BTG4: variants seen among roughly 807,000 people sequenced by gnomAD.
BTG4 encodes protein BTG4.
A neutral mutation model predicts 19.3 loss-of-function variants in BTG4; 10 were observed. The observed-to-expected ratio is 0.52, with a 90% CI of 0.32 to 0.88. The LOEUF (loss-of-function observed/expected upper bound fraction) is 0.88. Among genes scored for constraint, BTG4 ranks in the 40% least tolerant of loss-of-function variants. The pLI is 0.04. For missense variants in BTG4, 238 were observed against 281.9 expected (o/e 0.84, Z 1.11); for synonymous variants, 91 against 95.7 (o/e 0.95, Z 0.29).
chr11:111,501,368 T>G (rs544723602), intron 1 of BTG4, among the ~76,000 whole-genome samples: 1 of 151,832 alleles, frequency 6.6e-6, no homozygotes, highest in South Asian at 2.1e-4. Flanking sequence ...AAAGACCCTC[T>G]CTCAAAAAAA....
chr11:111,405,936 A>T, the BTG4 span, among the ~76,000 whole-genome samples: 1 of 152,250 alleles, frequency 6.6e-6, no homozygotes, highest in Non-Finnish European at 1.5e-5. Context: ...TATAGAGATT[A>T]GATATTATTA....
At chr11:111,404,775 T>C in the BTG4 span, 1 of 416,220 alleles carries the variant, frequency 2.4e-6, no homozygotes, top group Admixed American at 2.7e-5. Context: ...ACTTGGAGCT[T>C]TGATATAAAG....
At chr11:111,458,509 C>G in the BTG4 span, among the ~76,000 whole-genome samples, 3 of 152,282 alleles carry the variant, frequency 2.0e-5, no homozygotes, top group Non-Finnish European at 2.9e-5. Context: ...ACACCACCAA[C>G]AGGTGCTATG....
At chr11:111,514,690 A>C (rs1404050411), upstream of BTG4, 2 of 901,146 alleles carry the variant, frequency 2.2e-6, no homozygotes, top group Non-Finnish European at 3.2e-6. Flanking sequence ...GGCAGCCGGC[A>C]GGGGCTGGTA....
the BTG4 span, chr11:111,455,490 CA>C: frequency 4.3e-6 from 1 of 234,806 alleles, no homozygotes; most frequent in Admixed American, 4.6e-5. Context: ...GCTCCTTCGC[CA>C]AAACCTCCTC....
the BTG4 span, among the ~76,000 whole-genome samples, chr11:111,403,622 GC>G: frequency 5.3e-5 from 8 of 152,254 alleles, 1 homozygote; most frequent in Admixed American, 2.0e-4. Context: ...TCACTCCCTT[GC>G]CCCCTGCAAA....
intron 1 of BTG4, among the ~76,000 whole-genome samples, chr11:111,509,244 T>C (rs1866678606): frequency 6.6e-6 from 1 of 152,226 alleles, no homozygotes; most frequent in Non-Finnish European, 1.5e-5. Context: ...TTTTTAGTTC[T>C]TCAAAGGCAC....
At chr11:111,452,799 T>C in the BTG4 span, among the ~76,000 whole-genome samples, 1 of 151,904 alleles carries the variant, frequency 6.6e-6, no homozygotes, top group Non-Finnish European at 1.5e-5. Context: ...AAGGCAGGAG[T>C]TGACTGTTCT....
the BTG4 span, among the ~76,000 whole-genome samples, chr11:111,422,285 C>T: frequency 1.3e-5 from 2 of 152,194 alleles, no homozygotes; most frequent in Non-Finnish European, 2.9e-5. Flanking sequence ...AAAAATTGAT[C>T]ATAGAGGTCC....
the BTG4 span, among the ~76,000 whole-genome samples, chr11:111,441,797 G>A: frequency 2.2e-4 from 34 of 152,310 alleles, no homozygotes; most frequent in Non-Finnish European, 7.4e-5. Context: ...GGTGGCTCAC[G>A]CCTGTAATCC....
chr11:111,403,660 T>C, the BTG4 span, among the ~76,000 whole-genome samples: 1 of 152,182 alleles, frequency 6.6e-6, no homozygotes, highest in Admixed American at 6.5e-5. Flanking sequence ...CCTGAGTGGG[T>C]GACAAATTAA....
chr11:111,432,153 G>A, the BTG4 span, among the ~76,000 whole-genome samples: 5 of 152,152 alleles, frequency 3.3e-5, no homozygotes, highest in African/African-American at 1.2e-4. Flanking sequence ...AGAGAGAAAG[G>A]AGAAAGCACA....
the BTG4 span, among the ~76,000 whole-genome samples, chr11:111,411,636 A>T: frequency 0.04 from 6,083 of 152,334 alleles, 134 homozygotes; most frequent in Middle Eastern, 0.14. Flanking sequence ...TTACCTGCAG[A>T]TTCTGACTGT....
At chr11:111,395,484 G>T in the BTG4 span, among the ~76,000 whole-genome samples, 3 of 152,240 alleles carry the variant, frequency 2.0e-5, no homozygotes, top group Non-Finnish European at 1.5e-5. Context: ...TCACCCCTGT[G>T]GGTGTCCGAG....
intron 1 of BTG4, among the ~76,000 whole-genome samples, chr11:111,505,447 A>G (rs1218008830): frequency 6.6e-6 from 1 of 152,052 alleles, no homozygotes; most frequent in East Asian, 1.9e-4. Context: ...CTAATTCCCC[A>G]TCTCTTAACA....
chr11:111,509,566 G>T (rs942564465), intron 1 of BTG4, among the ~76,000 whole-genome samples: 5 of 151,742 alleles, frequency 3.3e-5, no homozygotes, highest in African/African-American at 1.2e-4. Context: ...CATGGTGGTG[G>T]GCGCCTGTAA....
At chr11:111,425,288 G>A in the BTG4 span, among the ~76,000 whole-genome samples, 25 of 152,152 alleles carry the variant, frequency 1.6e-4, no homozygotes, top group African/African-American at 6.0e-4. Flanking sequence ...CCTGCTGCAT[G>A]CCAGGCACTC....
chr11:111,404,600 AC>A, the BTG4 span: 47 of 456,032 alleles, frequency 1.0e-4, 2 homozygotes, highest in South Asian at 7.3e-4. Flanking sequence ...AGGGTAACAG[AC>A]CCCACATTGA....
the BTG4 span, among the ~76,000 whole-genome samples, chr11:111,393,848 C>T: frequency 6.6e-6 from 1 of 152,204 alleles, no homozygotes; most frequent in African/African-American, 2.4e-5. Flanking sequence ...TTAAGACAAA[C>T]TGGTACTGTC....
Sources: gnomAD v4.1 joint callset for allele counts (sites outside exome capture counted in the v4.1 genomes callset) on GRCh38, gnomAD v4.1.1 for gene constraint, MANE v1.5 for transcripts, NCBI Gene and HGNC (gene_info 2026-07-23, HGNC 2026-07-21) for gene names.